Variants in KIAA0513 observed in about 807,000 individuals in gnomAD.
KIAA0513 encodes KIAA0513, also known as uncharacterized protein KIAA0513.
In KIAA0513, 39 loss-of-function variants were observed where a neutral mutation model predicts 56.5. The ratio of observed to expected loss-of-function variants is 0.69; its 90% CI spans 0.53 to 0.90. The LOEUF is 0.90. Among genes scored for constraint, KIAA0513 ranks in the 40% least tolerant of loss-of-function variants. KIAA0513 has a pLI of 0.00. For synonymous variants in KIAA0513, 268 were observed against 215.6 expected (o/e 1.24, Z -2.13); for missense variants, 591 against 535.2 (o/e 1.10, Z -1.03).
intron 1 of KIAA0513, among the ~76,000 whole-genome samples, chr16:85,054,109 G>C (rs530192093): frequency 6.6e-6 from 1 of 152,140 alleles, no homozygotes; most frequent in African/African-American, 2.4e-5. Flanking sequence ...GCAGTGAGCT[G>C]TGATTGTGCC....
At position 85,091,510 on chromosome 16, in the gene KIAA0513, A is replaced by C. The variant is rs571977459; in HGVS notation, c.*3185A>C. On this transcript the variant is annotated 3_prime_UTR_variant, in exon 13 of 13. Coordinates refer to ENST00000683363, the MANE Select transcript of KIAA0513 (RefSeq NM_001388359.1). ...CAAAAAATGGCTAGAGGGAGAGTCC[A>C]GTTTCTGAGCTCTGTACCCAAATTA... 1 of 152,328 alleles carries C rather than the reference A, an allele frequency of 6.6e-6. No homozygotes were observed. The highest frequency in any genetic ancestry group is 2.1e-4 in the South Asian group (1 of 4,820). The allele number at this position is 152,328 out of a possible 1,614,324, so 9.4% of individuals were successfully genotyped here.
At chr16:85,029,162 A>G (rs2072928730) in intron 1 of KIAA0513, among the ~76,000 whole-genome samples, 1 of 152,158 alleles carries the variant, frequency 6.6e-6, no homozygotes, top group Admixed American at 6.6e-5. Flanking sequence ...CGCCTTTGAA[A>G]CACAGGACGA....
chr16:85,077,501 CAGCT>C lies in KIAA0513; in HGVS notation c.652_655del (p.Ser218GlyfsTer13). Reference sequence around the variant, plus strand: ...TCGACTCCTACCTGAAATCCGCAAACAGCTGGCTGGCCGAAAAGAAGGACATCGC... The same window carrying C: ...TCGACTCCTACCTGAAATCCGCAAACGGCTGGCCGAAAAGAAGGACATCGC... On this transcript the variant is annotated frameshift_variant, in exon 6 of 13. Transcript: ENST00000683363. The C allele has an allele frequency of 1.2e-6, 2 of 1,614,214 alleles. No individual in the cohort carries two copies. Among genetic ancestry groups the C allele is most frequent in the Non-Finnish European group, 1.7e-6 (2 of 1,180,034 alleles).
intron 2 of KIAA0513, 100 bp downstream of exon 2, chr16:85,067,500 G>C: frequency 1.1e-6 from 1 of 930,740 alleles, no homozygotes; most frequent in South Asian, 1.7e-5. Flanking sequence ...GTGCCACCTG[G>C]GACCAGAGCT....
chr16:85,045,183 G>A (rs1172421169), intron 1 of KIAA0513, among the ~76,000 whole-genome samples: 2 of 152,290 alleles, frequency 1.3e-5, no homozygotes, highest in Non-Finnish European at 2.9e-5. Flanking sequence ...TCAATGGTCT[G>A]TAGCAGTCAG....
chr16:85,070,719 T>C lies in KIAA0513; in HGVS notation c.330-1064T>C, dbSNP rs77760476. On this transcript the variant is annotated intron_variant, in intron 2 of 12. Coordinates refer to ENST00000683363, the MANE Select transcript of KIAA0513 (RefSeq NM_001388359.1). ...AATAAAAATGCATTTATGTTTAATT[T>C]GAGTGCATTTTAGGAGAGCAGATGT... Among the ~76,000 whole-genome samples the C allele has an allele frequency of 7.5e-4, 115 of 152,362 alleles. 1 individual carries two copies. The highest frequency in any genetic ancestry group is 5.8e-3 in the East Asian group (30 of 5,188).
intron 1 of KIAA0513, among the ~76,000 whole-genome samples, chr16:85,062,846 T>G (rs1023149883): frequency 6.6e-6 from 1 of 152,196 alleles, no homozygotes; most frequent in Admixed American, 6.5e-5. Flanking sequence ...GCCAAGACTG[T>G]GACCCTGCAA....
chr16:85,067,385 A>T lies in KIAA0513; in HGVS notation c.314A>T (p.Lys105Met), dbSNP rs1382589782. ...LRDFMRGYVE[K>M]IFSGGEDLDQ... ...GACTTCATGCGTGGCTACGTGGAGA[A>T]GATCTTCTCTGGAGGGTAAGGGGCC... Residue 105 changes from lysine (K) to methionine (M), a missense_variant, in exon 2 of 13, where the codon AAG (lysine) becomes ATG (methionine). Coordinates refer to ENST00000683363, the MANE Select transcript of KIAA0513 (RefSeq NM_001388359.1). 1 of 1,602,318 alleles carries T rather than the reference A, an allele frequency of 6.2e-7. No homozygotes were observed. The highest frequency in any genetic ancestry group is 2.2e-5 in the East Asian group (1 of 44,880).
chr16:85,093,677 A>C lies in KIAA0513; in HGVS notation c.*5352A>C, dbSNP rs2073893311. 1 of 152,308 alleles carries C rather than the reference A, an allele frequency of 6.6e-6. No individual in the cohort carries two copies. Among genetic ancestry groups the C allele is most frequent in the Admixed American group, 6.5e-5 (1 of 15,278 alleles). The allele number at this position is 152,308 out of a possible 1,614,324, so 9.4% of individuals were successfully genotyped here. A position where few individuals can be genotyped will look rare whatever the true frequency, so the allele number is the denominator to read the frequency against. ...GGTGGACTCCAGATCTCCCTGCAAG[A>C]GACAGCTTGGCTTGGCTTTGGCTGT... is the stretch of plus-strand genomic sequence containing the variant. On this transcript the variant is annotated 3_prime_UTR_variant, in exon 13 of 13. Transcript: ENST00000683363.
chr16:85,087,200 G>A, intron 12 of KIAA0513, 34 bp downstream of exon 12: 3 of 1,567,428 alleles, frequency 1.9e-6, no homozygotes, highest in Non-Finnish European at 2.6e-6. Context: ...CAGGAGGCGG[G>A]CAGGGCTGGG....
rs774561221 is a variant in KIAA0513, at chr16:85,081,369, G to A, written c.957G>A (p.Arg319=). Reference sequence around the variant, plus strand: ...TTTTTGACGCTGTCCATTGTGAGAGGACAAAGCGATCTCCCACTACCAGGT... The same window carrying A: ...TTTTTGACGCTGTCCATTGTGAGAGAACAAAGCGATCTCCCACTACCAGGT... The part of the protein sequence containing the change: ...AAFFDAVHCE[R]TKRSPTTRGD... The change falls in exon 9 of 13, where the codon AGG becomes AGA. Residue 319 remains arginine, a synonymous_variant. Coordinates refer to ENST00000683363, the MANE Select transcript of KIAA0513 (RefSeq NM_001388359.1). The surrounding 1 kb of genome is among the most constrained non-coding windows in gnomAD (Gnocchi z 4.4). 7 of 1,580,016 alleles carry A rather than the reference G, an allele frequency of 4.4e-6. No homozygotes were observed. The Admixed American group carries it at 5.5e-5, about 12-fold the overall frequency.
chr16:85,087,569 G>A (rs1181276356), intron 12 of KIAA0513, among the ~76,000 whole-genome samples: 1 of 152,224 alleles, frequency 6.6e-6, no homozygotes, highest in African/African-American at 2.4e-5. Flanking sequence ...AGTATCGGGG[G>A]ACAAGGGTGG....
intron 1 of KIAA0513, among the ~76,000 whole-genome samples, chr16:85,052,112 C>T (rs571724057): frequency 1.3e-5 from 2 of 152,176 alleles, no homozygotes; most frequent in East Asian, 3.9e-4. Context: ...ACGAGGTCAA[C>T]AGATCGAGAC....
chr16:85,035,530 G>A (rs927264120), intron 1 of KIAA0513, among the ~76,000 whole-genome samples: 1 of 152,162 alleles, frequency 6.6e-6, no homozygotes, highest in Non-Finnish European at 1.5e-5. Flanking sequence ...TTGCTCAGTC[G>A]TCCAGGCTGG....
intron 1 of KIAA0513, among the ~76,000 whole-genome samples, chr16:85,033,804 A>C (rs2072999041): frequency 6.6e-6 from 1 of 152,032 alleles, no homozygotes; most frequent in African/African-American, 2.4e-5. Flanking sequence ...TTTATTTTTG[A>C]CTAAGTAATA....
At chr16:85,061,767 C>T (rs1034468851) in intron 1 of KIAA0513, among the ~76,000 whole-genome samples, 2 of 152,116 alleles carry the variant, frequency 1.3e-5, no homozygotes, top group Non-Finnish European at 2.9e-5. Context: ...GGGGCAATCT[C>T]GTGAGTTCCT....
chr16:85,039,748 C>G (rs2073080978), intron 1 of KIAA0513, among the ~76,000 whole-genome samples: 1 of 151,972 alleles, frequency 6.6e-6, no homozygotes, highest in Admixed American at 6.6e-5. Flanking sequence ...ATTGGGATTA[C>G]AGGTGTGAGC....
At chr16:85,052,296 G>C (rs2073264101) in intron 1 of KIAA0513, among the ~76,000 whole-genome samples, 1 of 151,768 alleles carries the variant, frequency 6.6e-6, no homozygotes, top group Non-Finnish European at 1.5e-5. Context: ...CTCCAGCCTG[G>C]TGACAGAACG....
intron 1 of KIAA0513, among the ~76,000 whole-genome samples, chr16:85,032,167 G>A (rs544252159): frequency 1.8e-4 from 28 of 152,322 alleles, no homozygotes; most frequent in East Asian, 5.8e-4. Context: ...GGTGATCCGT[G>A]TTGTCCCCTC....
Sources: allele counts gnomAD v4.1 joint callset (sites outside exome capture counted in the v4.1 genomes callset), GRCh38; gene constraint gnomAD v4.1.1; non-coding constraint Gnocchi (gnomAD v3.1); transcripts MANE v1.5; gene names NCBI Gene and HGNC (gene_info 2026-07-23, HGNC 2026-07-21).